Variants in TRAPPC12 observed in about 807,000 individuals in gnomAD.
TRAPPC12 encodes the protein trafficking protein particle complex subunit 12, also known as TPR repeat protein 15.
In TRAPPC12, 61 loss-of-function variants were observed where a neutral mutation model predicts 69.2. The observed-to-expected ratio is 0.88, with a 90% CI of 0.72 to 1.09. TRAPPC12 has a LOEUF of 1.09. Ranked by LOEUF, TRAPPC12 falls within the 50% of genes least tolerant of loss-of-function variation. TRAPPC12 has a pLI of 0.00. For missense variants in TRAPPC12, 1,101 were observed against 1,016.4 expected, an observed-to-expected ratio of 1.08 and a Z score of -1.13; for synonymous variants, 469 against 438.9, an observed-to-expected ratio of 1.07 and a Z score of -0.86.
intron 1 of TRAPPC12, among the ~76,000 whole-genome samples, chr2:3,383,033 T>C (rs936323460): frequency 6.6e-6 from 1 of 152,224 alleles, no homozygotes; most frequent in African/African-American, 2.4e-5. Flanking sequence ...GATAAGATAA[T>C]GTGCTTTTTA....
intron 6 of TRAPPC12, among the ~76,000 whole-genome samples, chr2:3,451,301 G>T (rs1184557412): frequency 6.6e-6 from 1 of 152,220 alleles, no homozygotes; most frequent in Non-Finnish European, 1.5e-5. Context: ...GCCCAGTGCA[G>T]TATCCCCCAC....
At chr2:3,464,502 A>T (rs1665699047) in intron 8 of TRAPPC12, among the ~76,000 whole-genome samples, 1 of 151,366 alleles carries the variant, frequency 6.6e-6, no homozygotes, top group South Asian at 2.1e-4. Flanking sequence ...ATAAAGAAAT[A>T]AAAGTACCTC....
At chr2:3,428,549 A>G (rs1226672111) in intron 5 of TRAPPC12, among the ~76,000 whole-genome samples, 1 of 152,262 alleles carries the variant, frequency 6.6e-6, no homozygotes, top group Non-Finnish European at 1.5e-5. Context: ...TATTCATAAC[A>G]AGACATGTAA....
intron 4 of TRAPPC12, 42 bp from the exon 5 acceptor site, chr2:3,424,483 A>G: frequency 6.3e-7 from 1 of 1,594,596 alleles, no homozygotes; most frequent in Non-Finnish European, 8.5e-7. Flanking sequence ...TGAACTGGAT[A>G]TATGTAGATA....
At chr2:3,457,017 G>A (rs924991592) in intron 6 of TRAPPC12, 21 of 448,402 alleles carry the variant, frequency 4.7e-5, no homozygotes, top group Admixed American at 1.7e-4. Flanking sequence ...ATTCACTGTC[G>A]CCCCACGCCA....
At chr2:3,403,007 G>A (rs192592249) in intron 3 of TRAPPC12, among the ~76,000 whole-genome samples, 1 of 152,284 alleles carries the variant, frequency 6.6e-6, no homozygotes, top group African/African-American at 2.4e-5. Flanking sequence ...CCCACCGGCT[G>A]TCTGAAACTC....
intron 1 of TRAPPC12, among the ~76,000 whole-genome samples, chr2:3,383,871 GTTTTTTTTTTTTTTTTTT>G (rs34956958): frequency 9.9e-4 from 85 of 85,582 alleles, no homozygotes; most frequent in South Asian, 2.2e-3. Flanking sequence ...GTTCAGTCTT[GTTTTTTTTTTTTTTTTTT>G]TTTTTTTTTT....
intron 9 of TRAPPC12, among the ~76,000 whole-genome samples, chr2:3,469,451 G>C (rs1037739163): frequency 6.6e-6 from 1 of 152,200 alleles, no homozygotes; most frequent in South Asian, 2.1e-4. Flanking sequence ...AGTGGAATCC[G>C]CAGTGGCTGC....
Position 3,460,665 on chromosome 2 carries a change from A to G in TRAPPC12, c.1677+329A>G, listed in dbSNP as rs115596658. On this transcript the variant is annotated intron_variant, in intron 8 of 11. Transcript: ENST00000324266. ...CCAGAAGGTGTCCTTTGTTCTCCCT[A>G]TCTTCGTGGAGGGTGTTTTTTTCAC... is the stretch of plus-strand genomic sequence containing the variant. 650 of 283,960 alleles carry G rather than the reference A, an allele frequency of 2.3e-3. 1 individual carries two copies. The highest frequency in any genetic ancestry group is 0.011 in the African/African-American group (509 of 45,422). 17.6% of individuals were successfully genotyped at this position (283,960 alleles called of 1,614,324 possible).
At chr2:3,388,801 G>T in intron 2 of TRAPPC12, 131 bp downstream of exon 2, 1 of 953,264 alleles carries the variant, frequency 1.0e-6, no homozygotes, top group Non-Finnish European at 1.5e-6. Context: ...CATTGTGAGC[G>T]CCTGTGTTCC....
At chr2:3,450,616 T>A (rs1664803852) in intron 6 of TRAPPC12, among the ~76,000 whole-genome samples, 1 of 152,194 alleles carries the variant, frequency 6.6e-6, no homozygotes, top group Non-Finnish European at 1.5e-5. Context: ...TGTTTCATGA[T>A]TCTTTGAGAG....
At chr2:3,465,369 C>G (rs1372306831) in intron 8 of TRAPPC12, among the ~76,000 whole-genome samples, 1 of 152,204 alleles carries the variant, frequency 6.6e-6, no homozygotes, top group African/African-American at 2.4e-5. Context: ...AGGCAGGACC[C>G]CGCCGTTGCG....
chr2:3,464,154 TCA>T lies in TRAPPC12; in HGVS notation c.1678-1435_1678-1434del, dbSNP rs527280788. ...CACACACGTCCACACACACACATGC[TCA>T]CACACACGCTCACACTCATACACAA... On this transcript the variant is annotated intron_variant, in intron 8 of 11. Coordinates refer to ENST00000324266, the MANE Select transcript of TRAPPC12 (RefSeq NM_016030.6). 4.0e-3 allele frequency among the ~76,000 whole-genome samples: 610 copies of T among 151,846 alleles called. 6 individuals are homozygous for T. The highest frequency in any genetic ancestry group is 0.013 in the African/African-American group (547 of 41,358).
intron 1 of TRAPPC12, among the ~76,000 whole-genome samples, chr2:3,383,181 G>A (rs534796806): frequency 3.3e-5 from 5 of 151,996 alleles, no homozygotes; most frequent in East Asian, 1.9e-4. Context: ...TGTATTCTTC[G>A]TGTTAATCCT....
chr2:3,446,589 G>T (rs1204871672), intron 6 of TRAPPC12, among the ~76,000 whole-genome samples: 1 of 152,228 alleles, frequency 6.6e-6, no homozygotes, highest in Non-Finnish European at 1.5e-5. Context: ...GCTCATGGCC[G>T]CATGTGGGCA....
chr2:3,406,751 C>G (rs568089756), intron 3 of TRAPPC12, among the ~76,000 whole-genome samples: 3 of 152,320 alleles, frequency 2.0e-5, no homozygotes, highest in Admixed American at 1.3e-4. Flanking sequence ...AGGAACTGAA[C>G]TGGCAGCATG....
chr2:3,469,953 G>T (rs553638203), intron 9 of TRAPPC12, among the ~76,000 whole-genome samples: 20 of 152,342 alleles, frequency 1.3e-4, no homozygotes, highest in African/African-American at 4.8e-4. Flanking sequence ...ACTCTTATGT[G>T]CATGGAGATA....
At chr2:3,417,497 C>T (rs907752600) in intron 3 of TRAPPC12, among the ~76,000 whole-genome samples, 1 of 152,072 alleles carries the variant, frequency 6.6e-6, no homozygotes, top group African/African-American at 2.4e-5. Flanking sequence ...CACCCAGTTG[C>T]CCCTCTTGCC....
chr2:3,425,229 A>G (rs1663036481), intron 5 of TRAPPC12, among the ~76,000 whole-genome samples: 1 of 152,172 alleles, frequency 6.6e-6, no homozygotes, highest in Non-Finnish European at 1.5e-5. Context: ...CGGGTTACGG[A>G]GAGCCTTCTG....
Sources: gnomAD v4.1 joint callset for allele counts (sites outside exome capture counted in the v4.1 genomes callset) on GRCh38, gnomAD v4.1.1 for gene constraint, MANE v1.5 for transcripts, NCBI Gene and HGNC (gene_info 2026-07-23, HGNC 2026-07-21) for gene names.